FUBP3: variants seen among roughly 807,000 people sequenced by gnomAD.
The protein encoded by FUBP3 is far upstream element binding protein 3.
A neutral mutation model predicts 85.6 loss-of-function variants in FUBP3; 28 were observed. That is an observed-to-expected ratio of 0.33 (90% CI 0.24 to 0.45). FUBP3 has a LOEUF of 0.45. Ranked by LOEUF, FUBP3 falls within the 20% of genes least tolerant of loss-of-function variation. The probability of loss-of-function intolerance (pLI) is 1.00; values close to 1 mark genes in which losing one functional copy is unlikely to be tolerated. For missense variants in FUBP3, 583 were observed against 755.1 expected (o/e 0.77, Z 2.67); for synonymous variants, 271 against 271.4 (o/e 1.00, Z 0.01).
chr9:130,620,547 T>C (rs1829704699), intron 9 of FUBP3, 89 bp downstream of exon 9: 1 of 607,082 alleles, frequency 1.6e-6, no homozygotes, highest in African/African-American at 1.9e-5. Flanking sequence ...CCTGAGCAAG[T>C]TAGTTAAGTT....
intron 1 of FUBP3, among the ~76,000 whole-genome samples, chr9:130,589,439 G>A (rs2119012451): frequency 6.6e-6 from 1 of 151,502 alleles, no homozygotes; most frequent in Non-Finnish European, 1.5e-5. Context: ...CACCTCCTGG[G>A]TTCAAGCAAT....
At position 130,579,587 on chromosome 9, in the gene FUBP3, T is replaced by G. The variant is rs532224321; in HGVS notation, c.-94T>G. The G allele has an allele frequency of 1.3e-6, 1 of 777,756 alleles. No homozygotes were observed. Among genetic ancestry groups the G allele is most frequent in the South Asian group, 6.4e-5 (1 of 15,508 alleles). The allele number at this position is 777,756 out of a possible 1,614,324, so 48.2% of individuals were successfully genotyped here. On this transcript the variant is annotated 5_prime_UTR_variant, in exon 1 of 19. Transcript: ENST00000319725. ...AGTAGGGCGACTTTCCTTTTCCGGC[T>G]ACGGGTCCCCAAGCGGAGCGGGAGG...
rs1203925385 is a variant in FUBP3 at position 130,616,273 on chromosome 9, C to T, written c.405-82C>T. On this transcript the variant is annotated intron_variant, in intron 6 of 18. Transcript: ENST00000319725. The surrounding 1 kb of genome is among the most constrained non-coding windows in gnomAD (Gnocchi z 4.7). ...GCTGCCCTGACTCCCGCAGGTTTTTCCCTCAGTGCTATTTCCCTGTCTTGC... is the reference window on the plus strand; with the variant it reads ...GCTGCCCTGACTCCCGCAGGTTTTTTCCTCAGTGCTATTTCCCTGTCTTGC... 7.3e-7 allele frequency: 1 copy of T among 1,375,164 alleles called. No individual in the cohort carries two copies. Among genetic ancestry groups the T allele is most frequent in the Non-Finnish European group, 1.0e-6 (1 of 983,798 alleles). The allele number at this position is 1,375,164 out of a possible 1,614,324, so 85.2% of individuals were successfully genotyped here.
chr9:130,590,237 A>G (rs1418833084), intron 1 of FUBP3, among the ~76,000 whole-genome samples: 4 of 152,040 alleles, frequency 2.6e-5, no homozygotes, highest in Non-Finnish European at 5.9e-5. Context: ...TTTTCTTGGG[A>G]AAACACTGGT....
chr9:130,605,723 C>T (rs1831390611), intron 2 of FUBP3, among the ~76,000 whole-genome samples: 1 of 152,212 alleles, frequency 6.6e-6, no homozygotes, highest in Admixed American at 6.5e-5. Flanking sequence ...GTGGCTCACA[C>T]CTGTAATCCC....
intron 1 of FUBP3, among the ~76,000 whole-genome samples, chr9:130,594,943 G>T (rs1830795291): frequency 6.9e-6 from 1 of 144,526 alleles, no homozygotes; most frequent in Non-Finnish European, 1.5e-5. Context: ...ATACTAATTT[G>T]CGGCCGGGCG....
At chr9:130,595,882 C>T (rs1041643516) in intron 2 of FUBP3, among the ~76,000 whole-genome samples, 8 of 152,144 alleles carry the variant, frequency 5.3e-5, no homozygotes, top group African/African-American at 1.2e-4. Flanking sequence ...AGCCTAACTC[C>T]CTTCTTCAGT....
chr9:130,595,636 C>A, intron 2 of FUBP3, 48 bp downstream of exon 2: 1 of 843,688 alleles, frequency 1.2e-6, no homozygotes, highest in Non-Finnish European at 2.1e-6. Flanking sequence ...GTGAACCTGC[C>A]AGTTAAGTTT....
chr9:130,635,971 A>G lies in FUBP3; in HGVS notation c.1583-28A>G. 1 of 1,611,176 alleles carries G rather than the reference A, an allele frequency of 6.2e-7. No individual in the cohort carries two copies. Among genetic ancestry groups the G allele is most frequent in the Non-Finnish European group, 8.5e-7 (1 of 1,178,726 alleles). On this transcript the variant is annotated intron_variant, in intron 17 of 18. Transcript: ENST00000319725. This position sits in a 1 kb window ranked among gnomAD's most constrained non-coding sequence, Gnocchi z 4.3. ...TGCCCAGTGCACCTCCGCTCCCGAT[A>G]ACCTGTGTTTCCTCCTTTGTCAACC...
At chr9:130,596,733 G>A in intron 2 of FUBP3, 1 of 354,008 alleles carries the variant, frequency 2.8e-6, no homozygotes, top group South Asian at 2.2e-5. Context: ...CCTATGTTAA[G>A]GTTCTTTTTA....
At chr9:130,589,675 G>GTGTATA (rs869282275) in intron 1 of FUBP3, among the ~76,000 whole-genome samples, 9 of 34,278 alleles carry the variant, frequency 2.6e-4, no homozygotes, top group Non-Finnish European at 2.9e-4. Flanking sequence ...GTATGTGTGT[G>GTGTATA]TATATATATA....
Position 130,579,782 on chromosome 9 carries a change from T to C in FUBP3, c.84+18T>C. 7.9e-7 allele frequency: 1 copy of C among 1,259,808 alleles called. No individual in the cohort carries two copies. The highest frequency in any genetic ancestry group is 2.9e-4 in the Middle Eastern group (1 of 3,424). The allele number at this position is 1,259,808 out of a possible 1,614,324, so 78.0% of individuals were successfully genotyped here. A position where few individuals can be genotyped will look rare whatever the true frequency, so the allele number is the denominator to read the frequency against. On this transcript the variant is annotated intron_variant, in intron 1 of 18. Transcript: ENST00000319725. ...TCCGGCAGGTACGGGCGCAGCCGGC[T>C]GGCAGGAGCACGAGATCCCGAGGCG...
rs750974184 is a variant in FUBP3, at chr9:130,626,469, G to A, written c.1081G>A (p.Val361Met). 1 of 1,614,150 alleles carries A rather than the reference G, an allele frequency of 6.2e-7. No homozygotes were observed. Among genetic ancestry groups the A allele is most frequent in the Non-Finnish European group, 8.5e-7 (1 of 1,180,018 alleles). ...TGGCGTCCAGGAGATAACATACACG[G>A]TGCCAGCCGATAAGTGTGGCCTCGT... ...PGGVQEITYT[V>M]PADKCGLVIG... is the part of the protein sequence containing the mutation. The change falls in exon 12 of 19, where the codon GTG becomes ATG. Residue 361 changes from valine (V) to methionine (M), a missense_variant. Val to Met is a conservative substitution (Grantham distance 21). Around this residue, in one of 3 missense-constraint regions of FUBP3, gnomAD observed 404 missense variants for 516.8 expected, o/e 0.78. Transcript: ENST00000319725.
intron 11 of FUBP3, 76 bp downstream of exon 11, chr9:130,623,787 A>C (rs534731822): frequency 1.8e-5 from 16 of 874,064 alleles, no homozygotes; most frequent in Admixed American, 6.6e-5. Context: ...TCGGTGCAGC[A>C]CCATAGAGCT....
chr9:130,633,833 A>AC (rs1350362606), intron 16 of FUBP3, among the ~76,000 whole-genome samples: 2 of 152,148 alleles, frequency 1.3e-5, no homozygotes, highest in Non-Finnish European at 2.9e-5. Context: ...AGTAAAGTGA[A>AC]CTAGTGGAGA....
intron 13 of FUBP3, chr9:130,631,294 G>T: frequency 7.3e-7 from 1 of 1,374,278 alleles, no homozygotes; most frequent in Non-Finnish European, 9.4e-7. Flanking sequence ...AGTCAAGCAG[G>T]TTGGTCCCTA....
intron 1 of FUBP3, among the ~76,000 whole-genome samples, chr9:130,586,548 G>T (rs547095401): frequency 3.9e-5 from 6 of 151,946 alleles, no homozygotes; most frequent in African/African-American, 1.2e-4. Context: ...ACCACACCCA[G>T]CTAATAAGGG....
intron 9 of FUBP3, among the ~76,000 whole-genome samples, chr9:130,621,583 A>G (rs12376642): frequency 0.024 from 3,696 of 152,226 alleles, 61 homozygotes; most frequent in Non-Finnish European, 0.036. Flanking sequence ...ATTTTGATCA[A>G]ATCTCAAATT....
chr9:130,628,920 C>T (rs1175614624), intron 12 of FUBP3, among the ~76,000 whole-genome samples: 1 of 152,148 alleles, frequency 6.6e-6, no homozygotes, highest in Non-Finnish European at 1.5e-5. Flanking sequence ...CAGGCATGCG[C>T]CACCACACCT....
Sources: allele counts gnomAD v4.1 joint callset (sites outside exome capture counted in the v4.1 genomes callset), GRCh38; gene constraint gnomAD v4.1.1; regional missense constraint gnomAD v4.1.1; non-coding constraint Gnocchi (gnomAD v3.1); transcripts MANE v1.5; gene names NCBI Gene and HGNC (gene_info 2026-07-23, HGNC 2026-07-21).